Variants in MCM8 observed in about 807,000 individuals in gnomAD.
MCM8 encodes the protein minichromosome maintenance 8 homologous recombination repair factor.
MCM8 carries 85 observed loss-of-function variants against 98.9 expected under a neutral mutation model. The ratio of observed to expected loss-of-function variants is 0.86; its 90% CI spans 0.72 to 1.03. The LOEUF is 1.03. Ranked by LOEUF, MCM8 falls within the 50% of genes least tolerant of loss-of-function variation. The pLI is 0.00. For synonymous variants in MCM8, 352 were observed against 338.6 expected, an observed-to-expected ratio of 1.04 and a Z score of -0.44; for missense variants, 951 against 997.8, an observed-to-expected ratio of 0.95 and a Z score of 0.63.
At chr20:5,978,902 C>T (rs749870925) in intron 13 of MCM8, among the ~76,000 whole-genome samples, 19 of 152,172 alleles carry the variant, frequency 1.2e-4, no homozygotes, top group Admixed American at 4.6e-4. Flanking sequence ...TGTAACTGAA[C>T]TCATTGGTTT....
intron 14 of MCM8, among the ~76,000 whole-genome samples, chr20:5,983,434 T>A (rs1161062922): frequency 6.6e-6 from 1 of 152,226 alleles, no homozygotes; most frequent in East Asian, 1.9e-4. Flanking sequence ...GGCGGGTGGC[T>A]TATGCCTGTA....
At chr20:5,968,409 G>GT (rs1050048978) in intron 10 of MCM8, among the ~76,000 whole-genome samples, 15 of 152,272 alleles carry the variant, frequency 9.9e-5, no homozygotes, top group Admixed American at 9.8e-4. Context: ...GCCGGGCTTG[G>GT]TGGCGGGCGC....
At chr20:5,981,797 G>A (rs2089635663) in intron 13 of MCM8, among the ~76,000 whole-genome samples, 1 of 152,204 alleles carries the variant, frequency 6.6e-6, no homozygotes, top group Non-Finnish European at 1.5e-5. Context: ...TTTCCCATGA[G>A]TGTTTCATGT....
chr20:5,955,008 T>C (rs899584337), intron 4 of MCM8, 94 bp from the exon 5 acceptor site: 2 of 854,190 alleles, frequency 2.3e-6, no homozygotes, highest in African/African-American at 3.4e-5. Context: ...ATATAAACAT[T>C]GTATGCTTTC....
chr20:5,960,030 G>T (rs187703583), intron 7 of MCM8, among the ~76,000 whole-genome samples: 1 of 152,074 alleles, frequency 6.6e-6, no homozygotes, highest in African/African-American at 2.4e-5. Context: ...CCAGAGTATT[G>T]TTCCCAACTT....
At chr20:5,952,577 C>A in intron 3 of MCM8, 49 bp downstream of exon 3, 1 of 1,483,814 alleles carries the variant, frequency 6.7e-7, no homozygotes, top group Non-Finnish European at 9.4e-7. Context: ...ATTTTCTTAA[C>A]TTGTCTTTGG....
rs769251282 is a variant in MCM8 at position 5,967,545 on chromosome 20, G to A, written c.985G>A (p.Val329Met). The change falls in exon 9 of 19, where the codon GTG becomes ATG. Residue 329 changes from valine to methionine, a missense_variant. Val to Met is a conservative substitution (Grantham distance 21). Transcript: ENST00000610722. ...GGATAGCTGTGTCCCGGGAGACACA[G>A]TGACTATTACTGGAATTGTCAAAGT... ...LVDSCVPGDT[V>M]TITGIVKVSN... 1 of 1,613,886 alleles carries A rather than the reference G, an allele frequency of 6.2e-7. No homozygotes were observed. The highest frequency in any genetic ancestry group is 8.5e-7 in the Non-Finnish European group (1 of 1,179,830).
intron 18 of MCM8, 63 bp downstream of exon 18, chr20:5,993,758 G>A (rs1334878446): frequency 5.4e-6 from 7 of 1,301,238 alleles, no homozygotes; most frequent in Admixed American, 4.6e-5. Context: ...ATATATAGTA[G>A]AACAGAAACA....
intron 18 of MCM8, 101 bp downstream of exon 18, chr20:5,993,796 G>C (rs761976573): frequency 2.1e-6 from 2 of 961,324 alleles, no homozygotes; most frequent in Non-Finnish European, 3.0e-6. Flanking sequence ...ATTCATACCT[G>C]CTTCTTCTCA....
intron 12 of MCM8, among the ~76,000 whole-genome samples, chr20:5,976,910 C>G (rs1361547863): frequency 6.6e-6 from 1 of 152,116 alleles, no homozygotes; most frequent in Non-Finnish European, 1.5e-5. Flanking sequence ...TAGGATTGTG[C>G]CACTGCACTC....
In MCM8 at chr20:5,967,854, G is replaced by T. The variant is rs1184929818; in HGVS notation, c.1052G>T (p.Cys351Phe). 2 of 1,611,218 alleles carry T rather than the reference G, an allele frequency of 1.2e-6. No homozygotes were observed. The highest frequency in any genetic ancestry group is 1.1e-5 in the South Asian group (1 of 90,452). Reference protein sequence around the residue: ...EEGSRNKNDKCMFLLYIEANS... With the variant: ...EEGSRNKNDKFMFLLYIEANS... ...GGTTCTCGAAATAAGAATGACAAGT[G>T]TATGTTCCTTTTGTATATTGAAGCA... Residue 351 changes from cysteine to phenylalanine, a missense_variant, in exon 10 of 19, where the codon TGT (cysteine) becomes TTT (phenylalanine). Transcript: ENST00000610722.
At chr20:5,972,996 T>A in intron 11 of MCM8, 60 bp from the exon 12 acceptor site, 1 of 1,575,652 alleles carries the variant, frequency 6.3e-7, no homozygotes, top group East Asian at 2.3e-5. Context: ...GAATACCCCC[T>A]TTACTAGTCA....
At chr20:5,970,981 A>T (rs1275794000) in intron 10 of MCM8, among the ~76,000 whole-genome samples, 8 of 151,630 alleles carry the variant, frequency 5.3e-5, no homozygotes, top group Non-Finnish European at 1.5e-5. Flanking sequence ...GCTAATTTTT[A>T]ATTTTTTTTT....
In MCM8 at chr20:5,994,494, C is replaced by A. The variant is rs1001836128; in HGVS notation, c.*103C>A. 1 of 584,744 alleles carries A rather than the reference C, an allele frequency of 1.7e-6. No homozygotes were observed. Among genetic ancestry groups the A allele is most frequent in the Non-Finnish European group, 3.0e-6 (1 of 332,668 alleles). The allele number at this position is 584,744 out of a possible 1,614,324, so 36.2% of individuals were successfully genotyped here. Reference sequence around the variant, plus strand: ...AGACAGACAGACACACACACACACACACACACACACACACACACACACACA... The same window carrying A: ...AGACAGACAGACACACACACACACAAACACACACACACACACACACACACA... On this transcript the variant is annotated 3_prime_UTR_variant, in exon 19 of 19. Transcript: ENST00000610722.
At position 5,995,385 on chromosome 20, in the gene MCM8, A is replaced by G. The variant is rs1212432073; in HGVS notation, c.*994A>G. On this transcript the variant is annotated 3_prime_UTR_variant, in exon 19 of 19. Transcript: ENST00000610722. The stretch of plus-strand genomic sequence containing the variant: ...GCTTCCAGCAGCAATTTGTAAAACC[A>G]TGCCTTAGAATTGGACTAAGGAAGA... 6.6e-6 allele frequency: 1 copy of G among 152,220 alleles called. No individual in the cohort carries two copies. Among genetic ancestry groups the G allele is most frequent in the South Asian group, 2.1e-4 (1 of 4,836 alleles). The allele number at this position is 152,220 out of a possible 1,614,324, so 9.4% of individuals were successfully genotyped here.
chr20:5,964,246 G>A (rs2089225701), intron 8 of MCM8, among the ~76,000 whole-genome samples: 1 of 150,178 alleles, frequency 6.7e-6, no homozygotes, highest in African/African-American at 2.4e-5. Context: ...GAATGGTTTT[G>A]AAGTCAGTGC....
intron 7 of MCM8, among the ~76,000 whole-genome samples, chr20:5,962,343 C>T (rs2089165110): frequency 9.5e-6 from 1 of 105,614 alleles, no homozygotes; most frequent in Non-Finnish European, 1.6e-5. Context: ...AAGGAATTAG[C>T]CTTCATTTCT....
chr20:5,984,231 CTTG>C (rs2089686119), intron 14 of MCM8, among the ~76,000 whole-genome samples: 1 of 152,070 alleles, frequency 6.6e-6, no homozygotes, highest in Admixed American at 6.6e-5. Context: ...GAGTTAATTT[CTTG>C]TTGTTTAATA....
intron 10 of MCM8, among the ~76,000 whole-genome samples, chr20:5,968,389 A>G (rs2089324747): frequency 1.3e-5 from 2 of 152,200 alleles, no homozygotes; most frequent in Admixed American, 6.5e-5. Context: ...TACTAAAAAT[A>G]CAAAAATTGG....
Sources: gnomAD v4.1 joint callset for allele counts (sites outside exome capture counted in the v4.1 genomes callset) on GRCh38, gnomAD v4.1.1 for gene constraint, MANE v1.5 for transcripts, NCBI Gene and HGNC (gene_info 2026-07-23, HGNC 2026-07-21) for gene names.